The following CHD1 variants were observed in gnomAD, a reference collection of about 807,000 sequenced individuals.
CHD1 encodes chromodomain helicase DNA binding protein 1, also known as ATP-dependent chromatin remodeler CHD1.
In CHD1, 36 loss-of-function variants were observed where a neutral mutation model predicts 224.2. The ratio of observed to expected loss-of-function variants is 0.16; its 90% CI spans 0.12 to 0.21. CHD1 has a LOEUF of 0.21. Among genes scored for constraint, CHD1 ranks in the 10% least tolerant of loss-of-function variants. The pLI is 1.00. For synonymous variants in CHD1, 668 were observed against 658.3 expected, an observed-to-expected ratio of 1.01 and a Z score of -0.23; for missense variants, 1,378 against 1,994.8, an observed-to-expected ratio of 0.69 and a Z score of 5.89.
intron 2 of CHD1, among the ~76,000 whole-genome samples, chr5:98,925,207 G>C (rs908195690): frequency 1.3e-5 from 2 of 152,012 alleles, no homozygotes; most frequent in African/African-American, 4.8e-5. Context: ...CATTATCTCA[G>C]AAAATATTTT....
rs1197092325 is a variant in CHD1 at position 98,901,097 on chromosome 5, A to G, written c.588-15T>C. On this transcript the variant is annotated splice_polypyrimidine_tract_variant and intron_variant, in intron 6 of 35. Transcript: ENST00000614616. ...TTGACTTAGATCTAGGAAAGTGCAA[A>G]GAGAAAAAAAAACAAGATTTGAGAA... 7.6e-6 allele frequency: 12 copies of G among 1,569,122 alleles called. No homozygotes were observed. The highest frequency in any genetic ancestry group is 1.0e-5 in the Non-Finnish European group (12 of 1,164,490).
Position 98,926,378 on chromosome 5 carries a change from TC to T in CHD1, c.8del (p.Gly3AspfsTer246). 1 of 1,501,276 alleles carries T rather than the reference TC, an allele frequency of 6.7e-7. No individual in the cohort carries two copies. Among genetic ancestry groups the T allele is most frequent in the Non-Finnish European group, 8.9e-7 (1 of 1,119,308 alleles). The allele number at this position is 1,501,276 out of a possible 1,614,324, so 93.0% of individuals were successfully genotyped here. A position where few individuals can be genotyped will look rare whatever the true frequency, so the allele number is the denominator to read the frequency against. Reference sequence around the variant, plus strand: ...TTCTAACACTTTCTTCATCACTGTGTCCATTCATTGTAAATTATTATCAAGA... The same window carrying T: ...TTCTAACACTTTCTTCATCACTGTGTCATTCATTGTAAATTATTATCAAGA... MNGHSDEESVRNS... is the reference protein window; with the variant it reads MNXHSDEESVRNS... On this transcript the variant is annotated frameshift_variant, in exon 2 of 36. Coordinates refer to ENST00000614616, the MANE Select transcript of CHD1 (RefSeq NM_001270.4). LOFTEE classifies it high-confidence loss of function.
intron 31 of CHD1, among the ~76,000 whole-genome samples, chr5:98,866,631 A>G (rs529540139): frequency 6.6e-6 from 1 of 152,294 alleles, no homozygotes; most frequent in Admixed American, 6.5e-5. Context: ...GAAGTATGTT[A>G]ACTGCTCCAA....
At chr5:98,881,034 C>T in intron 22 of CHD1, 42 bp downstream of exon 22, 1 of 1,121,592 alleles carries the variant, frequency 8.9e-7, no homozygotes, top group Non-Finnish European at 1.3e-6. Context: ...CTCAATTCCT[C>T]TCAATTTATG....
chr5:98,901,278 T>C lies in CHD1; in HGVS notation c.495A>G (p.Glu165=). 1 of 1,613,944 alleles carries C rather than the reference T, an allele frequency of 6.2e-7. No homozygotes were observed. Among genetic ancestry groups the C allele is most frequent in the Non-Finnish European group, 8.5e-7 (1 of 1,179,942 alleles). Residue 165 remains glutamate, a synonymous_variant, in exon 6 of 36, where the codon GAA becomes GAG. Coordinates refer to ENST00000614616, the MANE Select transcript of CHD1 (RefSeq NM_001270.4). ...GSPSQSGSDS[E]SEEEREKSSC... ...TGCTTTTCTCTCTCTCTTCTTCAGATTCTGAATCTGAACCAGACTGAGATG... is the reference window on the plus strand; with the variant it reads ...TGCTTTTCTCTCTCTCTTCTTCAGACTCTGAATCTGAACCAGACTGAGATG...
At chr5:98,905,215 T>A in intron 2 of CHD1, 117 bp from the exon 3 acceptor site, 1 of 1,204,700 alleles carries the variant, frequency 8.3e-7, no homozygotes, top group Non-Finnish European at 1.1e-6. Flanking sequence ...ATTTCAACTA[T>A]CTTTGGCCAA....
At chr5:98,872,370 A>G (rs1281356432) in intron 27 of CHD1, 47 bp downstream of exon 27, 52 of 1,571,626 alleles carry the variant, frequency 3.3e-5, no homozygotes, top group Non-Finnish European at 4.5e-5. Context: ...TCATTTTGCA[A>G]TTATTGAATA....
chr5:98,873,305 A>G (rs79627490), intron 26 of CHD1, among the ~76,000 whole-genome samples: 245 of 152,248 alleles, frequency 1.6e-3, no homozygotes, highest in African/African-American at 5.4e-3. Context: ...GTGTGTGTGT[A>G]TATATACACA....
At chr5:98,885,339 T>A (rs961961614) in intron 18 of CHD1, among the ~76,000 whole-genome samples, 1 of 151,880 alleles carries the variant, frequency 6.6e-6, no homozygotes, top group Non-Finnish European at 1.5e-5. Context: ...TTGCAGTGAG[T>A]TGAGATTGTG....
chr5:98,883,689 C>A (rs1271983508), intron 18 of CHD1, among the ~76,000 whole-genome samples: 1 of 151,466 alleles, frequency 6.6e-6, no homozygotes, highest in Non-Finnish European at 1.5e-5. Flanking sequence ...GCAACTGCAA[C>A]AATGTGGAAC....
At chr5:98,909,375 G>T (rs1022667754) in intron 2 of CHD1, among the ~76,000 whole-genome samples, 1 of 152,064 alleles carries the variant, frequency 6.6e-6, no homozygotes, top group Non-Finnish European at 1.5e-5. Context: ...TAGTTTATAC[G>T]TGGTGTTGTG....
chr5:98,866,621 G>T (rs568710129), intron 31 of CHD1, among the ~76,000 whole-genome samples: 9 of 152,230 alleles, frequency 5.9e-5, no homozygotes, highest in African/African-American at 1.7e-4. Flanking sequence ...ACAAGTGACT[G>T]AAGTATGTTA....
At chr5:98,887,342 AGAT>A (rs1455303948) in intron 17 of CHD1, among the ~76,000 whole-genome samples, 2 of 152,126 alleles carry the variant, frequency 1.3e-5, no homozygotes, top group African/African-American at 4.8e-5. Flanking sequence ...CTCCTGTAAG[AGAT>A]GATAAGCTCT....
intron 2 of CHD1, among the ~76,000 whole-genome samples, chr5:98,910,040 A>G (rs1297759756): frequency 1.3e-5 from 2 of 152,178 alleles, no homozygotes; most frequent in Non-Finnish European, 2.9e-5. Flanking sequence ...TAAATTAGAA[A>G]CTAAGTTGCA....
chr5:98,898,728 A>G lies in CHD1; in HGVS notation c.1122T>C (p.Tyr374=), dbSNP rs901057940. Reference sequence around the variant, plus strand: ...CATCTGTAAGTTCTTGCTGGCAATTATAATATTCCACATCTTCTGGAGAGG... The same window carrying G: ...CATCTGTAAGTTCTTGCTGGCAATTGTAATATTCCACATCTTCTGGAGAGG... ...KNASPEDVEY[Y]NCQQELTDDL... The change falls in exon 9 of 36, where the codon TAT becomes TAC. Residue 374 remains tyrosine, a synonymous_variant. Coordinates refer to ENST00000614616, the MANE Select transcript of CHD1 (RefSeq NM_001270.4). 5 of 1,598,722 alleles carry G rather than the reference A, an allele frequency of 3.1e-6. No homozygotes were observed. Among genetic ancestry groups the G allele is most frequent in the African/African-American group, 2.7e-5 (2 of 74,610 alleles).
chr5:98,885,627 C>T lies in CHD1; in HGVS notation c.2519G>A (p.Gly840Glu). ...ATCTAGAGCTTGTTTCCTCAGTTCT[C>T]CTTTTATTGATCCATCTAATCTCTA... Reference protein sequence around the residue: ...PFQRLDGSIKGELRKQALDHF... With the variant: ...PFQRLDGSIKEELRKQALDHF... The change falls in exon 18 of 36, where the codon GGA (glycine) becomes GAA (glutamate). Residue 840 changes from glycine (G) to glutamate (E), a missense_variant. Physicochemically the swap from Gly to Glu is moderately conservative, Grantham distance 98. Transcript: ENST00000614616. The T allele has an allele frequency of 1.3e-6, 2 of 1,599,714 alleles. No individual in the cohort carries two copies. The highest frequency in any genetic ancestry group is 1.7e-6 in the Non-Finnish European group (2 of 1,169,242).
At chr5:98,906,631 T>C (rs1752067801) in intron 2 of CHD1, among the ~76,000 whole-genome samples, 1 of 152,218 alleles carries the variant, frequency 6.6e-6, no homozygotes, top group African/African-American at 2.4e-5. Context: ...CCTTCTTTGC[T>C]ATGTTTAAGA....
chr5:98,903,186 C>T (rs1157940247), intron 4 of CHD1, among the ~76,000 whole-genome samples: 2 of 152,096 alleles, frequency 1.3e-5, no homozygotes, highest in Non-Finnish European at 2.9e-5. Context: ...AATGTCAGCA[C>T]TTTGTATGAA....
intron 2 of CHD1, among the ~76,000 whole-genome samples, chr5:98,923,043 G>C (rs959623275): frequency 6.6e-6 from 1 of 151,792 alleles, no homozygotes; most frequent in Non-Finnish European, 1.5e-5. Context: ...AGAAACTTTA[G>C]TTTTTTTTGC....
Sources: allele counts gnomAD v4.1 joint callset (sites outside exome capture counted in the v4.1 genomes callset), GRCh38; gene constraint gnomAD v4.1.1; transcripts MANE v1.5; gene names NCBI Gene and HGNC (gene_info 2026-07-23, HGNC 2026-07-21).